EGLN3: variants seen among roughly 807,000 people sequenced by gnomAD.
The protein encoded by EGLN3 is prolyl hydroxylase EGLN3.
In EGLN3, 15 loss-of-function variants were observed where a neutral mutation model predicts 26.0. The observed-to-expected ratio is 0.58, with a 90% CI of 0.39 to 0.89. The LOEUF (loss-of-function observed/expected upper bound fraction) is 0.89, where lower values mean the gene tolerates loss of function less well. Ranked by LOEUF, EGLN3 falls within the 40% of genes least tolerant of loss-of-function variation. The probability of loss-of-function intolerance (pLI) is 0.00; values close to 1 mark genes in which losing one functional copy is unlikely to be tolerated. For synonymous variants in EGLN3, 147 were observed against 127.2 expected (o/e 1.16, Z -1.05); for missense variants, 238 against 311.6 (o/e 0.76, Z 1.78).
chr14:33,943,807 G>T (rs1242198520), intron 1 of EGLN3, among the ~76,000 whole-genome samples: 4 of 152,188 alleles, frequency 2.6e-5, no homozygotes, highest in African/African-American at 4.8e-5. Context: ...TTGGGATAGG[G>T]TCATAAAATG....
At chr14:33,943,854 C>G (rs2064499662) in intron 1 of EGLN3, among the ~76,000 whole-genome samples, 1 of 152,130 alleles carries the variant, frequency 6.6e-6, no homozygotes, top group Non-Finnish European at 1.5e-5. Context: ...ACAAGTTTTT[C>G]CAGGAGATTC....
At chr14:33,939,510 G>GA (rs1184055632) in intron 1 of EGLN3, among the ~76,000 whole-genome samples, 2 of 106,452 alleles carry the variant, frequency 1.9e-5, no homozygotes, top group African/African-American at 7.0e-5. Context: ...GCGCCCGGCC[G>GA]AAACAATCTT....
At chr14:33,926,709 A>T (rs2064364749) in intron 4 of EGLN3, among the ~76,000 whole-genome samples, 1 of 152,186 alleles carries the variant, frequency 6.6e-6, no homozygotes, top group Non-Finnish European at 1.5e-5. Flanking sequence ...AATAGGAAAA[A>T]GTTAACTATT....
intron 1 of EGLN3, among the ~76,000 whole-genome samples, chr14:33,942,167 C>A (rs1157992327): frequency 6.6e-6 from 1 of 151,950 alleles, no homozygotes; most frequent in Non-Finnish European, 1.5e-5. Flanking sequence ...ACAGGAAGAA[C>A]AAGAACCAAC....
intron 1 of EGLN3, among the ~76,000 whole-genome samples, chr14:33,939,293 C>CT (rs1222664762): frequency 1.3e-5 from 2 of 151,878 alleles, no homozygotes; most frequent in Admixed American, 1.3e-4. Flanking sequence ...TCACTGCAAG[C>CT]TCTGCCTCCC....
rs35808198 is a variant in EGLN3 at position 33,924,537 on chromosome 14, C to CTATATA, written c.*1348_*1353dup. On this transcript the variant is annotated 3_prime_UTR_variant, in exon 5 of 5. Transcript: ENST00000250457. ...AAAAGTAAACTTCTATCTTGGAAGACTATATATATATATATCCGTACATAA... is the reference window on the plus strand; with the variant it reads ...AAAAGTAAACTTCTATCTTGGAAGACTATATATATATATATATATATCCGTACATAA... The CTATATA allele has an allele frequency of 1.3e-5, 2 of 150,534 alleles. No individual in the cohort carries two copies. Among genetic ancestry groups the CTATATA allele is most frequent in the East Asian group, 1.9e-4 (1 of 5,154 alleles). 9.3% of individuals were successfully genotyped at this position (150,534 alleles called of 1,614,324 possible). A position where few individuals can be genotyped will look rare whatever the true frequency, so the allele number is the denominator to read the frequency against.
At chr14:33,939,549 C>T (rs1332493135) in intron 1 of EGLN3, among the ~76,000 whole-genome samples, 2 of 152,198 alleles carry the variant, frequency 1.3e-5, no homozygotes, top group African/African-American at 2.4e-5. Context: ...ATATGCATTT[C>T]AGCACTTGGA....
intron 1 of EGLN3, among the ~76,000 whole-genome samples, chr14:33,931,679 A>T (rs144142566): frequency 2.6e-5 from 4 of 152,352 alleles, no homozygotes; most frequent in African/African-American, 9.6e-5. Context: ...AGGTATTTGC[A>T]TACACAAAGT....
chr14:33,931,167 C>A lies in EGLN3; in HGVS notation c.406G>T (p.Val136Leu). 2 of 1,614,210 alleles carry A rather than the reference C, an allele frequency of 1.2e-6. No individual in the cohort carries two copies. Among genetic ancestry groups the A allele is most frequent in the Non-Finnish European group, 1.7e-6 (2 of 1,180,028 alleles). The change falls in exon 2 of 5, where the codon GTG becomes TTG. Residue 136 changes from valine to leucine, a missense_variant. Transcript: ENST00000250457. The part of the protein sequence containing the change: ...PGNGTGYVRH[V>L]DNPNGDGRCI... ...CGACCATCACCGTTGGGGTTGTCCA[C>A]GTGGCGAACATAACCTGTTCCATTT...
chr14:33,931,139 C>T lies in EGLN3; in HGVS notation c.434G>A (p.Cys145Tyr), dbSNP rs765932717. ...HVDNPNGDGR[C>Y]ITCIYYLNKN... ...GTTCAGATAGTAGATGCAGGTGATG[C>T]AGCGACCATCACCGTTGGGGTTGTC... The change falls in exon 2 of 5, where the codon TGC becomes TAC. Residue 145 changes from cysteine (C) to tyrosine (Y), a missense_variant. Coordinates refer to ENST00000250457, the MANE Select transcript of EGLN3 (RefSeq NM_022073.4). The T allele has an allele frequency of 6.2e-7, 1 of 1,614,138 alleles. No individual in the cohort carries two copies. The highest frequency in any genetic ancestry group is 1.1e-5 in the South Asian group (1 of 91,084).
At chr14:33,929,477 C>T (rs138315932) in intron 2 of EGLN3, among the ~76,000 whole-genome samples, 2,019 of 152,274 alleles carry the variant, frequency 0.013, 19 homozygotes, top group Non-Finnish European at 0.022. Flanking sequence ...CTCAGCCTCC[C>T]GAGTAGCTGG....
intron 3 of EGLN3, among the ~76,000 whole-genome samples, chr14:33,928,714 TG>T (rs1753832224): frequency 6.6e-6 from 1 of 152,062 alleles, no homozygotes; most frequent in East Asian, 1.9e-4. Flanking sequence ...ACAGAATTCC[TG>T]ATATGTGACA....
At chr14:33,932,656 C>T (rs1033237058) in intron 1 of EGLN3, among the ~76,000 whole-genome samples, 6 of 152,160 alleles carry the variant, frequency 3.9e-5, no homozygotes, top group Non-Finnish European at 8.8e-5. Context: ...CAAACAATCC[C>T]CATATCCTGC....
chr14:33,948,031 A>G (rs1044778402), intron 1 of EGLN3, among the ~76,000 whole-genome samples: 3 of 151,992 alleles, frequency 2.0e-5, no homozygotes, highest in African/African-American at 7.3e-5. Context: ...ACTCCATCTC[A>G]AAAAAATAAT....
intron 3 of EGLN3, among the ~76,000 whole-genome samples, chr14:33,928,268 A>C (rs541676750): frequency 4.6e-5 from 7 of 152,178 alleles, no homozygotes; most frequent in Admixed American, 6.5e-5. Context: ...GGAGGAGGGC[A>C]CATGTGATCT....
intron 3 of EGLN3, among the ~76,000 whole-genome samples, chr14:33,928,057 A>T (rs1217954551): frequency 6.6e-6 from 1 of 151,992 alleles, no homozygotes; most frequent in Non-Finnish European, 1.5e-5. Flanking sequence ...AACATTTGCT[A>T]ATGTTTTCCC....
At chr14:33,935,034 TG>T (rs2064431617) in intron 1 of EGLN3, among the ~76,000 whole-genome samples, 2 of 152,234 alleles carry the variant, frequency 1.3e-5, no homozygotes, top group South Asian at 4.1e-4. Context: ...AGCCAACCTT[TG>T]TAAGGATTCA....
chr14:33,940,672 C>G (rs2064476247), intron 1 of EGLN3, among the ~76,000 whole-genome samples: 1 of 152,012 alleles, frequency 6.6e-6, no homozygotes, highest in Non-Finnish European at 1.5e-5. Context: ...AGAACCACAG[C>G]CCTTATATGG....
At position 33,924,941 on chromosome 14, in the gene EGLN3, T is replaced by TTAAA. The variant is rs375149684; in HGVS notation, c.*949_*950insTTTA. ...GGGTGAGCTCATTAAAAAGGAAAAC[T>TTAAA]AAAAAAAAAAAAAAAAAAAAAACAG... On this transcript the variant is annotated 3_prime_UTR_variant, in exon 5 of 5. Transcript: ENST00000250457. 14 of 103,364 alleles carry TTAAA rather than the reference T, an allele frequency of 1.4e-4. No individual in the cohort carries two copies. Among genetic ancestry groups the TTAAA allele is most frequent in the East Asian group, 1.3e-3 (4 of 3,136 alleles). 6.4% of individuals were successfully genotyped at this position (103,364 alleles called of 1,614,324 possible). A position where few individuals can be genotyped will look rare whatever the true frequency, so the allele number is the denominator to read the frequency against.
Sources: gnomAD v4.1 joint callset for allele counts (sites outside exome capture counted in the v4.1 genomes callset) on GRCh38, gnomAD v4.1.1 for gene constraint, MANE v1.5 for transcripts, NCBI Gene and HGNC (gene_info 2026-07-23, HGNC 2026-07-21) for gene names.